Variants in TBL1X observed in about 807,000 individuals in gnomAD.
TBL1X encodes F-box-like/WD repeat-containing protein TBL1X.
In TBL1X, 10 loss-of-function variants were observed where a neutral mutation model predicts 50.7. The observed-to-expected ratio is 0.20, with a 90% confidence interval of 0.12 to 0.33. The LOEUF is 0.33. Ranked by LOEUF, TBL1X falls within the 10% of genes least tolerant of loss-of-function variation. The probability of loss-of-function intolerance (pLI) is 1.00; values close to 1 mark genes in which losing one functional copy is unlikely to be tolerated. For synonymous variants in TBL1X, 190 were observed against 214.7 expected (o/e 0.88, Z 1.01); for missense variants, 340 against 504.4 (o/e 0.67, Z 3.12).
chrX:9,684,176 C>T lies in TBL1X; in HGVS notation c.345C>T (p.Ile115=), dbSNP rs2083042280. Residue 115 remains isoleucine, a synonymous_variant, in exon 6 of 18, where the codon ATC becomes ATT. Coordinates refer to ENST00000645353, the MANE Select transcript of TBL1X (RefSeq NM_005647.4). The part of the protein sequence containing the change: ...QKGLQYVEAE[I]SINEDGTVFD... ...GCCTGCAGTATGTAGAGGCCGAGATCAGTATCAACGAGGTACGTAGCTGCT... is the reference window on the plus strand; with the variant it reads ...GCCTGCAGTATGTAGAGGCCGAGATTAGTATCAACGAGGTACGTAGCTGCT... The T allele has an allele frequency of 9.1e-6, 11 of 1,212,086 alleles. No individual in the cohort carries two copies. The highest frequency in any genetic ancestry group is 2.2e-5 in the Admixed American group (1 of 46,060).
At chrX:9,542,322 G>C (rs769988696) in intron 2 of TBL1X, among the ~76,000 whole-genome samples, 1 of 111,316 alleles carries the variant, frequency 9.0e-6, no homozygotes, top group Admixed American at 9.6e-5. Flanking sequence ...TCCTGACACT[G>C]GATGATTTAT....
intron 2 of TBL1X, among the ~76,000 whole-genome samples, chrX:9,595,870 A>G (rs2082524094): frequency 8.9e-6 from 1 of 112,460 alleles, no homozygotes; most frequent in African/African-American, 3.2e-5. Flanking sequence ...TATGTTTAAA[A>G]TAATATACCA....
chrX:9,672,060 G>A (rs771528689), intron 5 of TBL1X, among the ~76,000 whole-genome samples: 16 of 112,502 alleles, frequency 1.4e-4, no homozygotes, highest in Admixed American at 3.7e-4. Flanking sequence ...AATCAGTTGA[G>A]TATTTATAAA....
intron 2 of TBL1X, among the ~76,000 whole-genome samples, chrX:9,515,124 G>A (rs1025755072): frequency 9.0e-6 from 1 of 111,633 alleles, no homozygotes; most frequent in Admixed American, 9.5e-5. Context: ...ATGGAGGGGG[G>A]AAAAATAACA....
At chrX:9,516,657 C>T (rs16985563) in intron 2 of TBL1X, among the ~76,000 whole-genome samples, 2,641 of 112,347 alleles carry the variant, frequency 0.024, 73 homozygotes, top group African/African-American at 0.08. Flanking sequence ...AATTGGGTAA[C>T]CAGTCTTTGT....
At chrX:9,663,720 A>G (rs1200083035) in intron 5 of TBL1X, among the ~76,000 whole-genome samples, 1 of 105,290 alleles carries the variant, frequency 9.5e-6, no homozygotes, top group Non-Finnish European at 2.0e-5. Flanking sequence ...GAAATTGCAC[A>G]GCTGCACTCC....
intron 6 of TBL1X, among the ~76,000 whole-genome samples, chrX:9,686,725 G>A (rs1348125146): frequency 1.8e-5 from 2 of 112,044 alleles, no homozygotes; most frequent in Non-Finnish European, 3.8e-5. Context: ...CAGTGTGCCC[G>A]CGGAGTTTAA....
rs111820635 is a variant in TBL1X, at chrX:9,470,547, G to T, written c.-201+5100G>T. ...TGGGATTACAGGCGTAAGCCAGCAC[G>T]CTCGGCCTATTTATTTCCTCTTTGT... On this transcript the variant is annotated intron_variant, in intron 1 of 17. Coordinates refer to ENST00000645353, the MANE Select transcript of TBL1X (RefSeq NM_005647.4). Among the ~76,000 whole-genome samples the T allele has an allele frequency of 6.6e-3, 741 of 112,639 alleles. 6 individuals are homozygous for T. The highest frequency in any genetic ancestry group is 0.023 in the African/African-American group (706 of 31,053).
At chrX:9,493,450 G>A (rs1317390537) in intron 1 of TBL1X, among the ~76,000 whole-genome samples, 2 of 111,797 alleles carry the variant, frequency 1.8e-5, no homozygotes, top group Admixed American at 1.9e-4. Context: ...ATCTATGATT[G>A]CCTGGATTAA....
At chrX:9,581,303 C>T (rs954139477) in intron 2 of TBL1X, among the ~76,000 whole-genome samples, 1 of 112,009 alleles carries the variant, frequency 8.9e-6, no homozygotes, top group African/African-American at 3.2e-5. Context: ...ACATTCTTTT[C>T]TCATGGCCTC....
chrX:9,640,600 T>G (rs974906296), intron 3 of TBL1X, among the ~76,000 whole-genome samples: 5 of 111,128 alleles, frequency 4.5e-5, no homozygotes, highest in African/African-American at 6.5e-5. Flanking sequence ...CTGAGAATTT[T>G]GGGTTGTGTT....
At chrX:9,695,587 A>C (rs2083126860) in intron 11 of TBL1X, among the ~76,000 whole-genome samples, 1 of 112,438 alleles carries the variant, frequency 8.9e-6, no homozygotes, top group African/African-American at 3.2e-5. Flanking sequence ...GCAGTTCACT[A>C]CTGCATGTGT....
chrX:9,632,374 G>A (rs1304722941), intron 2 of TBL1X, among the ~76,000 whole-genome samples: 3 of 111,615 alleles, frequency 2.7e-5, no homozygotes, highest in Middle Eastern at 4.2e-3. Context: ...TCCGCCTCCC[G>A]AGTTCAAGCG....
At chrX:9,560,177 G>A (rs1271736952) in intron 2 of TBL1X, among the ~76,000 whole-genome samples, 1 of 112,171 alleles carries the variant, frequency 8.9e-6, no homozygotes, top group Non-Finnish European at 1.9e-5. Context: ...TCTAGGCGAT[G>A]TTTATGTAGT....
chrX:9,543,060 G>C (rs1268041636), intron 2 of TBL1X, among the ~76,000 whole-genome samples: 2 of 112,403 alleles, frequency 1.8e-5, no homozygotes, highest in African/African-American at 6.5e-5. Context: ...GGCAGGGTGG[G>C]CGTTACCATC....
chrX:9,485,158 T>C (rs1261877447), intron 1 of TBL1X, among the ~76,000 whole-genome samples: 1 of 111,121 alleles, frequency 9.0e-6, no homozygotes, highest in East Asian at 2.8e-4. Context: ...CCAGAGTTTG[T>C]GATTCATTGA....
intron 1 of TBL1X, among the ~76,000 whole-genome samples, chrX:9,470,960 C>CCT (rs1362222410): frequency 8.9e-6 from 1 of 112,088 alleles, no homozygotes; most frequent in Non-Finnish European, 1.9e-5. Flanking sequence ...AGGATGTTAC[C>CCT]CTCACCTTTA....
intron 2 of TBL1X, among the ~76,000 whole-genome samples, chrX:9,509,670 G>C (rs12847805): frequency 9.2e-6 from 1 of 108,281 alleles, no homozygotes; most frequent in Non-Finnish European, 1.9e-5. Flanking sequence ...ATTTTTTGTA[G>C]AGATGGGGTT....
At chrX:9,686,555 C>T (rs762223661) in intron 6 of TBL1X, among the ~76,000 whole-genome samples, 5 of 112,070 alleles carry the variant, frequency 4.5e-5, no homozygotes, top group African/African-American at 1.6e-4. Context: ...AAAAATTAGC[C>T]AGGTGCAGTG....
Sources: allele counts gnomAD v4.1 joint callset (sites outside exome capture counted in the v4.1 genomes callset), GRCh38; gene constraint gnomAD v4.1.1; transcripts MANE v1.5; gene names NCBI Gene and HGNC (gene_info 2026-07-23, HGNC 2026-07-21).